The following DCK variants were observed in gnomAD, a reference collection of about 807,000 sequenced individuals.
DCK encodes the protein deoxycytidine kinase, also known as deoxyadenosine kinase.
A neutral mutation model predicts 38.3 loss-of-function variants in DCK; 23 were observed. The observed-to-expected ratio is 0.60, with a 90% CI of 0.43 to 0.85. The LOEUF (loss-of-function observed/expected upper bound fraction) is 0.85. DCK is among the 40% of genes least tolerant of loss of function. DCK has a pLI of 0.00. For missense variants in DCK, 259 were observed against 304.4 expected, an observed-to-expected ratio of 0.85 and a Z score of 1.11; for synonymous variants, 108 against 100.6, an observed-to-expected ratio of 1.07 and a Z score of -0.44.
intron 2 of DCK, among the ~76,000 whole-genome samples, chr4:71,018,923 C>T (rs149116781): frequency 0.027 from 4,032 of 152,138 alleles, 68 homozygotes; most frequent in Middle Eastern, 0.075. Context: ...CCGCCTGCCT[C>T]GGACTCCCAA....
In DCK at chr4:71,023,421, G is replaced by A. The variant is rs1405750985; in HGVS notation, c.402-138G>A. 6 of 587,920 alleles carry A rather than the reference G, an allele frequency of 1.0e-5. No individual in the cohort carries two copies. The East Asian group carries it at 1.5e-4, about 15-fold the overall frequency. 36.4% of individuals were successfully genotyped at this position (587,920 alleles called of 1,614,324 possible). A position where few individuals can be genotyped will look rare whatever the true frequency, so the allele number is the denominator to read the frequency against. On this transcript the variant is annotated intron_variant, in intron 3 of 6. Coordinates refer to ENST00000286648, the MANE Select transcript of DCK (RefSeq NM_000788.3). ...CCATTGGCCAAAAACATGATGGAAAGACTCTTGTCTTTTTCTGCTTTCCAC... is the reference window on the plus strand; with the variant it reads ...CCATTGGCCAAAAACATGATGGAAAAACTCTTGTCTTTTTCTGCTTTCCAC...
intron 4 of DCK, among the ~76,000 whole-genome samples, chr4:71,024,349 G>C (rs1740498987): frequency 6.6e-6 from 1 of 152,110 alleles, no homozygotes; most frequent in Non-Finnish European, 1.5e-5. Flanking sequence ...TACATATGAT[G>C]TTATATAATG....
At chr4:71,021,344 G>A (rs1740420931) in intron 2 of DCK, among the ~76,000 whole-genome samples, 1 of 152,024 alleles carries the variant, frequency 6.6e-6, no homozygotes, top group South Asian at 2.1e-4. Context: ...CAAAGTGCTG[G>A]GATTACAGGC....
intron 2 of DCK, among the ~76,000 whole-genome samples, chr4:70,999,232 C>T (rs527894854): frequency 7.2e-5 from 11 of 152,234 alleles, no homozygotes; most frequent in Non-Finnish European, 1.0e-4. Context: ...CATGTGTTCT[C>T]ATTGTTCAAC....
At chr4:71,004,219 G>A (rs1038568834) in intron 2 of DCK, among the ~76,000 whole-genome samples, 2 of 152,210 alleles carry the variant, frequency 1.3e-5, no homozygotes, top group Non-Finnish European at 2.9e-5. Context: ...AGGCCCCTCT[G>A]CTGCAAGTCT....
intron 2 of DCK, among the ~76,000 whole-genome samples, chr4:71,017,149 C>T (rs1202804842): frequency 6.6e-6 from 1 of 152,200 alleles, no homozygotes; most frequent in Non-Finnish European, 1.5e-5. Flanking sequence ...CAAAAGAAGA[C>T]ATTTATGCAG....
At position 71,030,260 on chromosome 4, in the gene DCK, T is replaced by G. The variant is rs1307133192; in HGVS notation, c.*882T>G. The G allele has an allele frequency of 1.3e-5, 2 of 152,486 alleles. No homozygotes were observed. Among genetic ancestry groups the G allele is most frequent in the Admixed American group, 1.3e-4 (2 of 15,282 alleles). 9.4% of individuals were successfully genotyped at this position (152,486 alleles called of 1,614,324 possible). A position where few individuals can be genotyped will look rare whatever the true frequency, so the allele number is the denominator to read the frequency against. On this transcript the variant is annotated 3_prime_UTR_variant, in exon 7 of 7. Coordinates refer to ENST00000286648, the MANE Select transcript of DCK (RefSeq NM_000788.3). ...CCATCTATGTGAATATTTGTAAAAATAATGAATGGACTCATCTTAGTTCTG... is the reference window on the plus strand; with the variant it reads ...CCATCTATGTGAATATTTGTAAAAAGAATGAATGGACTCATCTTAGTTCTG...
chr4:71,021,529 T>C (rs1488098481), intron 2 of DCK, among the ~76,000 whole-genome samples: 2 of 152,166 alleles, frequency 1.3e-5, no homozygotes, highest in African/African-American at 2.4e-5. Flanking sequence ...TATTAGAAGA[T>C]TGGAGGGTTA....
intron 2 of DCK, among the ~76,000 whole-genome samples, chr4:71,019,713 C>T (rs1027980634): frequency 9.2e-5 from 14 of 152,044 alleles, no homozygotes; most frequent in South Asian, 2.1e-4. Context: ...ATAATGTTTT[C>T]GTAATTTTTT....
At position 71,029,530 on chromosome 4, in the gene DCK, C is replaced by A; in HGVS notation, c.*152C>A. 9.7e-6 allele frequency: 6 copies of A among 615,538 alleles called. No individual in the cohort carries two copies. Among genetic ancestry groups the A allele is most frequent in the South Asian group, 4.1e-5 (2 of 48,990 alleles). 38.1% of individuals were successfully genotyped at this position (615,538 alleles called of 1,614,324 possible). ...AAAGATTTTTAAAATGAATCTTATGCAAAACTTTTTGACCAGTTTCTTTTC... is the reference window on the plus strand; with the variant it reads ...AAAGATTTTTAAAATGAATCTTATGAAAAACTTTTTGACCAGTTTCTTTTC... On this transcript the variant is annotated 3_prime_UTR_variant, in exon 7 of 7. Transcript: ENST00000286648.
chr4:71,012,690 C>CCTG (rs1384599366), intron 2 of DCK, among the ~76,000 whole-genome samples: 1 of 152,238 alleles, frequency 6.6e-6, no homozygotes, highest in Non-Finnish European at 1.5e-5. Flanking sequence ...CTCCAACAGA[C>CCTG]CAGCAGCTGA....
chr4:71,013,969 T>C (rs1319907078), intron 2 of DCK, among the ~76,000 whole-genome samples: 5 of 152,134 alleles, frequency 3.3e-5, no homozygotes. Context: ...ACTGGAAAAT[T>C]GGATAATTGG....
intron 4 of DCK, 39 bp from the exon 5 acceptor site, chr4:71,025,777 C>G: frequency 6.4e-7 from 1 of 1,558,808 alleles, no homozygotes; most frequent in Non-Finnish European, 8.6e-7. Flanking sequence ...AATAATTGTT[C>G]CCTGCCTTTT....
Position 71,022,487 on chromosome 4 carries a change from G to T in DCK, c.328G>T (p.Ala110Ser). Reference sequence around the variant, plus strand: ...TCTCAGTCGAATAAGAGCTCAGCTTGCCTCTCTGAATGGCAAGCTCAAAGA... The same window carrying T: ...TCTCAGTCGAATAAGAGCTCAGCTTTCCTCTCTGAATGGCAAGCTCAAAGA... ...ACLSRIRAQL[A>S]SLNGKLKDAE... The change falls in exon 3 of 7, where the codon GCC becomes TCC. Residue 110 changes from alanine to serine, a missense_variant. This residue lies in a region of DCK where 159 missense variants were observed against 159.0 expected (regional missense o/e 1.00). Coordinates refer to ENST00000286648, the MANE Select transcript of DCK (RefSeq NM_000788.3). 6.2e-7 allele frequency: 1 copy of T among 1,608,734 alleles called. No individual in the cohort carries two copies. Among genetic ancestry groups the T allele is most frequent in the South Asian group, 1.1e-5 (1 of 89,814 alleles).
chr4:71,029,174 A>G (rs932271657), intron 6 of DCK, among the ~76,000 whole-genome samples, 178 bp from the exon 7 acceptor site: 7 of 152,234 alleles, frequency 4.6e-5, no homozygotes, highest in Non-Finnish European at 1.0e-4. Flanking sequence ...AATTACAGGC[A>G]TGAGCCGCTG....
chr4:71,013,323 G>A (rs1740152594), intron 2 of DCK, among the ~76,000 whole-genome samples: 1 of 152,168 alleles, frequency 6.6e-6, no homozygotes, highest in Non-Finnish European at 1.5e-5. Context: ...GAACCAAGTT[G>A]GAAAACACAC....
chr4:71,016,431 T>C (rs1406218316), intron 2 of DCK, among the ~76,000 whole-genome samples: 1 of 152,152 alleles, frequency 6.6e-6, no homozygotes, highest in Non-Finnish European at 1.5e-5. Flanking sequence ...TGGAAAAAAC[T>C]ACTTTAAAGT....
intron 2 of DCK, among the ~76,000 whole-genome samples, chr4:71,001,617 G>C (rs564087687): frequency 6.6e-6 from 1 of 152,062 alleles, no homozygotes; most frequent in South Asian, 2.1e-4. Flanking sequence ...ATCTGGTCCT[G>C]GGCTTTTTTT....
intron 2 of DCK, among the ~76,000 whole-genome samples, chr4:71,017,568 G>A (rs1740302559): frequency 6.6e-6 from 1 of 151,984 alleles, no homozygotes; most frequent in East Asian, 1.9e-4. Context: ...AGAAAATGTG[G>A]CACATATACA....
Sources: allele counts gnomAD v4.1 joint callset (sites outside exome capture counted in the v4.1 genomes callset), GRCh38; gene constraint gnomAD v4.1.1; regional missense constraint gnomAD v4.1.1; transcripts MANE v1.5; gene names NCBI Gene and HGNC (gene_info 2026-07-23, HGNC 2026-07-21).